UBE3C: variants seen among roughly 807,000 people sequenced by gnomAD.
UBE3C encodes ubiquitin protein ligase E3C.
Under a neutral mutation model 129.4 loss-of-function variants are expected in UBE3C, and 42 were observed. The ratio of observed to expected loss-of-function variants is 0.32; its 90% CI spans 0.25 to 0.42. The LOEUF (loss-of-function observed/expected upper bound fraction) is 0.42, where lower values mean the gene tolerates loss of function less well. Among genes scored for constraint, UBE3C ranks in the 10% least tolerant of loss-of-function variants. UBE3C has a pLI of 1.00. For missense variants in UBE3C, 1,049 were observed against 1,319.1 expected (o/e 0.80, Z 3.17); for synonymous variants, 510 against 492.4 (o/e 1.04, Z -0.47).
Position 157,204,398 on chromosome 7 carries a change from C to CAAAAAAAAAAAAAAA in UBE3C, c.1418+2597_1418+2611dup, listed in dbSNP as rs35298527. 1.1e-3 allele frequency among the ~76,000 whole-genome samples: 94 copies of CAAAAAAAAAAAAAAA among 86,344 alleles called. 2 individuals are homozygous for CAAAAAAAAAAAAAAA. The highest frequency in any genetic ancestry group is 7.4e-3 in the East Asian group (21 of 2,828). The allele number at this position is 86,344 out of a possible 152,430, so 56.6% of individuals were successfully genotyped here. ...GGGTAACAAGAGGGAAACTTTGTTT[C>CAAAAAAAAAAAAAAA]AAAAAAAAAAAAAAAAAAAATTTCA... On this transcript the variant is annotated intron_variant, in intron 11 of 22. Coordinates refer to ENST00000348165, the MANE Select transcript of UBE3C (RefSeq NM_014671.3).
intron 1 of UBE3C, among the ~76,000 whole-genome samples, chr7:157,153,874 T>C (rs1807827842): frequency 6.6e-6 from 1 of 151,748 alleles, no homozygotes; most frequent in African/African-American, 2.4e-5. Context: ...GTACCTGTGG[T>C]TTCAGTTACT....
intron 13 of UBE3C, among the ~76,000 whole-genome samples, chr7:157,208,179 A>G (rs1284914844): frequency 1.4e-5 from 2 of 147,028 alleles, no homozygotes; most frequent in African/African-American, 2.5e-5. Context: ...GGATCAAGCA[A>G]TCCTCTCACC....
chr7:157,216,777 T>A, intron 13 of UBE3C, 90 bp from the exon 14 acceptor site: 1 of 1,021,174 alleles, frequency 9.8e-7, no homozygotes, highest in Non-Finnish European at 1.5e-6. Context: ...GCACCACCGC[T>A]GTGTGCTCCT....
chr7:157,176,819 G>A (rs1245479546), intron 5 of UBE3C, among the ~76,000 whole-genome samples: 1 of 152,122 alleles, frequency 6.6e-6, no homozygotes, highest in African/African-American at 2.4e-5. Context: ...CAGGCCTGGG[G>A]CTGTTTTCTC....
intron 1 of UBE3C, among the ~76,000 whole-genome samples, chr7:157,154,371 T>C (rs1807845452): frequency 6.6e-6 from 1 of 152,074 alleles, no homozygotes; most frequent in African/African-American, 2.4e-5. Context: ...GAAATCATCT[T>C]CTCACTGAAT....
At chr7:157,248,718 G>A (rs576625190) in intron 19 of UBE3C, 138 bp downstream of exon 19, 5 of 902,768 alleles carry the variant, frequency 5.5e-6, no homozygotes, top group Admixed American at 2.3e-5. Context: ...GTTAGACGTC[G>A]AAGCATATAG....
At position 157,249,749 on chromosome 7, in the gene UBE3C, C is replaced by T. The variant is rs535864830; in HGVS notation, c.2694+1169C>T. Among the ~76,000 whole-genome samples the T allele has an allele frequency of 1.8e-4, 27 of 152,284 alleles. 1 individual carries two copies. The South Asian group carries it at 5.6e-3, about 32-fold the overall frequency. On this transcript the variant is annotated intron_variant, in intron 19 of 22. Transcript: ENST00000348165. ...CTGGTTGATGGACATTTGGGTTGTT[C>T]CTATGTTTGGGCTAATAAGAATATT...
At chr7:157,186,414 T>G (rs1408929929) in intron 9 of UBE3C, among the ~76,000 whole-genome samples, 2 of 131,198 alleles carry the variant, frequency 1.5e-5, no homozygotes, top group Admixed American at 1.6e-4. Context: ...CAAGACTGTC[T>G]CAAAAAAAAA....
intron 16 of UBE3C, among the ~76,000 whole-genome samples, chr7:157,224,333 T>C (rs1795815324): frequency 6.6e-6 from 1 of 152,112 alleles, no homozygotes. Context: ...TAGCTAGGAC[T>C]ACAGGCACGT....
At chr7:157,218,275 G>T (rs560236976) in intron 14 of UBE3C, among the ~76,000 whole-genome samples, 84 of 152,030 alleles carry the variant, frequency 5.5e-4, no homozygotes, top group Admixed American at 1.1e-3. Context: ...GTCAAACCCA[G>T]TCTCTACTAA....
chr7:157,204,319 C>T (rs951132528), intron 11 of UBE3C, among the ~76,000 whole-genome samples: 2 of 148,840 alleles, frequency 1.3e-5, no homozygotes, highest in Middle Eastern at 3.6e-3. Context: ...ATCAGGGGAG[C>T]GTGTTAAAAT....
chr7:157,160,792 G>A (rs974229183), intron 1 of UBE3C, among the ~76,000 whole-genome samples: 1 of 152,088 alleles, frequency 6.6e-6, no homozygotes, highest in Non-Finnish European at 1.5e-5. Context: ...TCTGTTTTCT[G>A]CTTTTCTCTT....
intron 5 of UBE3C, 28 bp from the exon 6 acceptor site, chr7:157,178,660 AGT>A: frequency 6.2e-7 from 1 of 1,602,022 alleles, no homozygotes; most frequent in Non-Finnish European, 8.5e-7. Flanking sequence ...CCATCCTGTA[AGT>A]GTGTGAATAC....
intron 18 of UBE3C, among the ~76,000 whole-genome samples, chr7:157,239,710 A>G (rs1165117545): frequency 1.3e-5 from 2 of 152,198 alleles, no homozygotes; most frequent in African/African-American, 4.8e-5. Flanking sequence ...AAATAACAGC[A>G]TGTGTATTTG....
At chr7:157,181,472 T>C (rs2116921233) in intron 6 of UBE3C, 46 bp from the exon 7 acceptor site, 2 of 1,523,732 alleles carry the variant, frequency 1.3e-6, no homozygotes, top group Admixed American at 4.7e-5. Context: ...TTTTCCCTTA[T>C]TACAGGAAAA....
In UBE3C at chr7:157,178,036, A is replaced by G. The variant is rs1808569073; in HGVS notation, c.459-654A>G. Among the ~76,000 whole-genome samples the G allele has an allele frequency of 2.6e-5, 4 of 152,114 alleles. No homozygotes were observed. The South Asian group carries it at 8.3e-4, about 32-fold the overall frequency. ...GGTGTTAGACAAAGTTTTTGATAGA[A>G]AAAAGGATTGGGGTGGGGGGAAAGA... On this transcript the variant is annotated intron_variant, in intron 5 of 22. Transcript: ENST00000348165.
chr7:157,248,405 C>G lies in UBE3C; in HGVS notation c.2519C>G (p.Ala840Gly). The change falls in exon 19 of 23, where the codon GCA becomes GGA. Residue 840 changes from alanine (A) to glycine (G), a missense_variant. Coordinates refer to ENST00000348165, the MANE Select transcript of UBE3C (RefSeq NM_014671.3). ...YENMLVELPF[A>G]GFFLSKLLGT... is the part of the protein sequence containing the mutation. ...AACATGCTGGTGGAGCTGCCCTTTGCAGGCTTCTTTCTTTCCAAGTTGCTT... is the reference window on the plus strand; with the variant it reads ...AACATGCTGGTGGAGCTGCCCTTTGGAGGCTTCTTTCTTTCCAAGTTGCTT... The G allele has an allele frequency of 6.2e-7, 1 of 1,613,516 alleles. No individual in the cohort carries two copies. Among genetic ancestry groups the G allele is most frequent in the Non-Finnish European group, 8.5e-7 (1 of 1,180,038 alleles).
chr7:157,194,459 A>G (rs1809060318), intron 10 of UBE3C, among the ~76,000 whole-genome samples: 1 of 152,200 alleles, frequency 6.6e-6, no homozygotes, highest in African/African-American at 2.4e-5. Context: ...GGCATAAAAG[A>G]CTTTTCTAGG....
chr7:157,180,646 G>A (rs572167845), intron 6 of UBE3C, among the ~76,000 whole-genome samples: 3 of 152,310 alleles, frequency 2.0e-5, no homozygotes, highest in Admixed American at 2.0e-4. Context: ...TATAAAAATG[G>A]AGTAAATGAT....
Sources: allele counts gnomAD v4.1 joint callset (sites outside exome capture counted in the v4.1 genomes callset), GRCh38; gene constraint gnomAD v4.1.1; transcripts MANE v1.5; gene names NCBI Gene and HGNC (gene_info 2026-07-23, HGNC 2026-07-21).